The following GRHL2 variants were observed in gnomAD, a reference collection of about 807,000 sequenced individuals.
The protein encoded by GRHL2 is grainyhead-like protein 2 homolog.
Under a neutral mutation model 83.8 loss-of-function variants are expected in GRHL2, and 21 were observed. The ratio of observed to expected loss-of-function variants is 0.25; its 90% CI spans 0.18 to 0.36. GRHL2 has a LOEUF of 0.36. GRHL2 is among the 10% of genes least tolerant of loss of function. GRHL2 has a pLI of 1.00. For synonymous variants in GRHL2, 280 were observed against 278.9 expected (o/e 1.00, Z -0.04); for missense variants, 623 against 781.8 (o/e 0.80, Z 2.42).
chr8:101,678,665 C>T, the GRHL2 span, among the ~76,000 whole-genome samples: 1 of 150,630 alleles, frequency 6.6e-6, no homozygotes, highest in East Asian at 2.0e-4. Flanking sequence ...GTAACCTCTG[C>T]AGACTTAAAT....
chr8:101,637,164 C>A (rs1264685683), intron 12 of GRHL2, among the ~76,000 whole-genome samples: 1 of 152,178 alleles, frequency 6.6e-6, no homozygotes, highest in Admixed American at 6.6e-5. Context: ...CTAAGACCCA[C>A]CCCTTTGAAT....
downstream of GRHL2, among the ~76,000 whole-genome samples, chr8:101,671,987 G>A (rs1814218767): frequency 1.3e-5 from 2 of 152,074 alleles, no homozygotes; most frequent in Non-Finnish European, 2.9e-5. Context: ...ACCTGCAGCT[G>A]AGGGTCCTAT....
chr8:101,606,195 T>C (rs1812629712), intron 8 of GRHL2, among the ~76,000 whole-genome samples: 1 of 152,234 alleles, frequency 6.6e-6, no homozygotes, highest in Admixed American at 6.5e-5. Context: ...TAATTGGAAG[T>C]GACTACTTAC....
intron 1 of GRHL2, among the ~76,000 whole-genome samples, chr8:101,500,494 G>T (rs922318093): frequency 6.6e-6 from 1 of 152,024 alleles, no homozygotes; most frequent in Non-Finnish European, 1.5e-5. Context: ...ATTATAATAG[G>T]TAATAACAAA....
intron 1 of GRHL2, among the ~76,000 whole-genome samples, chr8:101,517,075 T>C (rs1057286254): frequency 2.0e-5 from 3 of 152,146 alleles, no homozygotes; most frequent in Non-Finnish European, 2.9e-5. Context: ...TCCTGGGGCC[T>C]CTGCTTCGAT....
rs1371216047 is a variant in GRHL2 at position 101,558,401 on chromosome 8, G to C, written c.285-18G>C. ...ATTTTTCTAATTCTATCATGTTGCG[G>C]GGGGTTTCAACACACAGAAACTGCC... On this transcript the variant is annotated intron_variant, in intron 3 of 15. Coordinates refer to ENST00000646743, the MANE Select transcript of GRHL2 (RefSeq NM_024915.4). The C allele has an allele frequency of 8.7e-6, 14 of 1,612,006 alleles. No individual in the cohort carries two copies. Among genetic ancestry groups the C allele is most frequent in the Non-Finnish European group, 1.2e-5 (14 of 1,178,698 alleles).
chr8:101,511,438 T>C (rs960606694), intron 1 of GRHL2, among the ~76,000 whole-genome samples: 5 of 152,162 alleles, frequency 3.3e-5, no homozygotes, highest in African/African-American at 1.2e-4. Context: ...ATCTCCTGGG[T>C]TCAAGTGATT....
At chr8:101,674,321 AAAG>A (rs1476376373), downstream of GRHL2, among the ~76,000 whole-genome samples, 1 of 152,126 alleles carries the variant, frequency 6.6e-6, no homozygotes, top group Non-Finnish European at 1.5e-5. Context: ...CAAGACTAAT[AAAG>A]AAGAAAAGAG....
intron 4 of GRHL2, among the ~76,000 whole-genome samples, chr8:101,560,925 T>C (rs1322661308): frequency 6.6e-6 from 1 of 152,156 alleles, no homozygotes; most frequent in Non-Finnish European, 1.5e-5. Flanking sequence ...TATTTTGCAG[T>C]CCATTAGCCT....
At chr8:101,626,123 T>C (rs1813074181) in intron 9 of GRHL2, among the ~76,000 whole-genome samples, 1 of 152,094 alleles carries the variant, frequency 6.6e-6, no homozygotes, top group Admixed American at 6.6e-5. Context: ...TAAATACAAA[T>C]GCCCACTTTG....
intron 12 of GRHL2, 104 bp from the exon 13 acceptor site, chr8:101,644,027 A>T: frequency 1.0e-6 from 1 of 986,194 alleles, no homozygotes; most frequent in African/African-American, 1.6e-5. Flanking sequence ...TACGGAGCAT[A>T]GGGACGGTAT....
the GRHL2 span, among the ~76,000 whole-genome samples, chr8:101,679,742 C>G: frequency 6.6e-6 from 1 of 150,858 alleles, no homozygotes; most frequent in Non-Finnish European, 1.5e-5. Context: ...AGAAACCCTA[C>G]AAGCCAGAAG....
intron 4 of GRHL2, among the ~76,000 whole-genome samples, chr8:101,559,353 C>CAAAAAAAAAAAAAA (rs34176940): frequency 4.4e-4 from 39 of 88,938 alleles, no homozygotes; most frequent in African/African-American, 1.4e-3. Context: ...ACTAAAAATA[C>CAAAAAAAAAAAAAA]AAAAAAAAAA....
At chr8:101,676,952 G>A in the GRHL2 span, among the ~76,000 whole-genome samples, 59,335 of 151,466 alleles carry the variant, frequency 0.39, 12,030 homozygotes, top group South Asian at 0.53. Context: ...TCAGCAAACT[G>A]TTGCAAGGAC....
At chr8:101,678,864 C>A in the GRHL2 span, among the ~76,000 whole-genome samples, 1 of 146,938 alleles carries the variant, frequency 6.8e-6, no homozygotes, top group Non-Finnish European at 1.5e-5. Flanking sequence ...AGCTGAGGGT[C>A]CTGTCTGTTA....
intron 14 of GRHL2, among the ~76,000 whole-genome samples, chr8:101,655,330 C>T (rs867627858): frequency 1.3e-5 from 2 of 152,130 alleles, no homozygotes; most frequent in African/African-American, 2.4e-5. Context: ...GTCTTGAGTA[C>T]GTCCATTTTT....
In GRHL2 at chr8:101,652,393, GTGTGTC is replaced by G. The variant is rs1296071101; in HGVS notation, c.1698+2897_1698+2902del. 8.3e-4 allele frequency among the ~76,000 whole-genome samples: 55 copies of G among 66,478 alleles called. 1 individual carries two copies. Among genetic ancestry groups the G allele is most frequent in the African/African-American group, 5.6e-3 (50 of 8,858 alleles). 43.6% of individuals were successfully genotyped at this position (66,478 alleles called of 152,430 possible). Reference sequence around the variant, plus strand: ...TGTCTGATGTGTGTGTGGTGTGTGTGTGTGTCTGGTGTGTGTGTGGTGTGTGTGTGT... The same window carrying G: ...TGTCTGATGTGTGTGTGGTGTGTGTGTGGTGTGTGTGTGGTGTGTGTGTGT... On this transcript the variant is annotated intron_variant, in intron 14 of 15. Transcript: ENST00000646743.
chr8:101,601,570 C>G (rs1393385841), intron 8 of GRHL2, among the ~76,000 whole-genome samples: 1 of 152,166 alleles, frequency 6.6e-6, no homozygotes, highest in Non-Finnish European at 1.5e-5. Context: ...TGTGTATGAA[C>G]ATGCATGTTG....
chr8:101,509,218 T>TCTTTCTCTCTCTTTCTTTCTTTCTTC (rs1233431378), intron 1 of GRHL2, among the ~76,000 whole-genome samples: 20 of 132,986 alleles, frequency 1.5e-4, no homozygotes, highest in Non-Finnish European at 2.7e-4. Flanking sequence ...CTTGTGTGTG[T>TCTTTCTCTCTCTTTCTTTCTTTCTTC]GTGTGTGTGT....
Sources: gnomAD v4.1 joint callset for allele counts (sites outside exome capture counted in the v4.1 genomes callset) on GRCh38, gnomAD v4.1.1 for gene constraint, MANE v1.5 for transcripts, NCBI Gene and HGNC (gene_info 2026-07-23, HGNC 2026-07-21) for gene names.